CLEC1B: variants seen among roughly 807,000 people sequenced by gnomAD.
CLEC1B encodes the protein C-type lectin domain family 1 member B.
In CLEC1B, 26 loss-of-function variants were observed where a neutral mutation model predicts 26.7. That is an observed-to-expected ratio of 0.97 (90% CI 0.71 to 1.35). The LOEUF (loss-of-function observed/expected upper bound fraction) is 1.35. CLEC1B is among the 40% of genes most tolerant of loss of function. The pLI is 0.00. For synonymous variants in CLEC1B, 112 were observed against 96.0 expected (o/e 1.17, Z -0.97); for missense variants, 293 against 282.6 (o/e 1.04, Z -0.26).
intron 5 of CLEC1B, 193 bp downstream of exon 5, chr12:9,994,947 G>T (rs978336228): frequency 7.0e-7 from 1 of 1,426,602 alleles, no homozygotes; most frequent in Non-Finnish European, 9.3e-7. Context: ...TTGTGGCTTA[G>T]ATAAAGAGCA....
Position 9,995,214 on chromosome 12 carries a change from A to G in CLEC1B, c.471T>C (p.Arg157=). 2 of 1,613,124 alleles carry G rather than the reference A, an allele frequency of 1.2e-6. No individual in the cohort carries two copies. The highest frequency in any genetic ancestry group is 1.7e-6 in the Non-Finnish European group (2 of 1,179,220). ...ACTTCTGGCGAGATAATCCGACCCA[A>G]CGAATTAAATGAGTCCTGGCTTTGA... ...EYIKARTHLI[R]WVGLSRQKSN... Residue 157 remains arginine (R), a synonymous_variant, in exon 5 of 6, where the codon CGT becomes CGC. Transcript: ENST00000298527.
chr12:9,996,670 A>G, intron 4 of CLEC1B, 176 bp downstream of exon 4: 2 of 727,590 alleles, frequency 2.7e-6, no homozygotes, highest in South Asian at 2.9e-5. Context: ...GTTGTAGAAT[A>G]TTATGAGTGG....
rs769357715 is a variant in CLEC1B, at chr12:9,996,984, G to A, written c.300C>T (p.Ser100=). ...AATATCTCCAGTTTGTGTCACAGGG[G>A]CTGCATTTATGACCTTCTGGAGAAA... ...LKGTFKGHKC[S]PCDTNWRYYG... The change falls in exon 4 of 6, where the codon AGC becomes AGT. Residue 100 remains serine, a synonymous_variant. Coordinates refer to ENST00000298527, the MANE Select transcript of CLEC1B (RefSeq NM_016509.4). 6.2e-7 allele frequency: 1 copy of A among 1,613,986 alleles called. No homozygotes were observed. Among genetic ancestry groups the A allele is most frequent in the Non-Finnish European group, 8.5e-7 (1 of 1,179,946 alleles).
At chr12:10,000,019 A>G (rs558153161), upstream of CLEC1B, among the ~76,000 whole-genome samples, 6 of 152,342 alleles carry the variant, frequency 3.9e-5, no homozygotes, top group South Asian at 1.0e-3. Flanking sequence ...ACAGCCATAC[A>G]AAGCTAGCTG....
chr12:9,997,233 T>C lies in CLEC1B; in HGVS notation c.210A>G (p.Thr70=). 6.2e-7 allele frequency: 1 copy of C among 1,613,806 alleles called. No homozygotes were observed. Among genetic ancestry groups the C allele is most frequent in the Non-Finnish European group, 8.5e-7 (1 of 1,179,780 alleles). ...GCTTTGCTAATTGTTGCAGAGTTCC[T>C]GTGCGATTTTCATTCTCACCTTGTA... ...NYLQGENENR[T]GTLQQLAKRF... The change falls in exon 3 of 6, where the codon ACA becomes ACG. Residue 70 remains threonine (T), a synonymous_variant. Coordinates refer to ENST00000298527, the MANE Select transcript of CLEC1B (RefSeq NM_016509.4).
At position 9,998,310 on chromosome 12, in the gene CLEC1B, A is replaced by T; in HGVS notation, c.135T>A (p.Val45=). ...AAATCCCCAGAGCCACCAGCCCGAC[A>T]ACCATCCCCACGCACAGGATCAGCA... ...LILLILCVGM[V]VGLVALGIWS... Residue 45 remains valine, a synonymous_variant, in exon 2 of 6, where the codon GTT becomes GTA. Coordinates refer to ENST00000298527, the MANE Select transcript of CLEC1B (RefSeq NM_016509.4). 4 of 1,614,086 alleles carry T rather than the reference A, an allele frequency of 2.5e-6. No individual in the cohort carries two copies. The highest frequency in any genetic ancestry group is 2.5e-6 in the Non-Finnish European group (3 of 1,180,010).
upstream of CLEC1B, among the ~76,000 whole-genome samples, chr12:10,000,223 T>C (rs1211057131): frequency 6.6e-6 from 1 of 152,250 alleles, no homozygotes; most frequent in Non-Finnish European, 1.5e-5. Context: ...CTTTTCAATA[T>C]AGTGATTATG....
intron 2 of CLEC1B, 57 bp from the exon 3 acceptor site, chr12:9,997,336 A>T: frequency 6.7e-7 from 1 of 1,484,732 alleles, no homozygotes. Context: ...AAATGATGCA[A>T]AGGTCTGTCA....
chr12:9,995,187 C>G lies in CLEC1B; in HGVS notation c.498G>C (p.Ser166=). 1.2e-6 allele frequency: 2 copies of G among 1,613,066 alleles called. No homozygotes were observed. The highest frequency in any genetic ancestry group is 1.7e-6 in the Non-Finnish European group (2 of 1,179,192). ...CATCCTCCCACTTCCAGACCTCATT[C>G]GACTTCTGGCGAGATAATCCGACCC... ...IRWVGLSRQK[S]NEVWKWEDGS... Residue 166 remains serine (S), a synonymous_variant, in exon 5 of 6, where the codon TCG becomes TCC. Coordinates refer to ENST00000298527, the MANE Select transcript of CLEC1B (RefSeq NM_016509.4).
At chr12:9,998,947 T>C in intron 1 of CLEC1B, 90 bp downstream of exon 1, 1 of 759,822 alleles carries the variant, frequency 1.3e-6, no homozygotes, top group Non-Finnish European at 2.2e-6. Context: ...GAAATTAAAC[T>C]ATATATATTA....
In CLEC1B at chr12:9,995,167, T is replaced by A. The variant is rs1865008495; in HGVS notation, c.518A>T (p.Glu173Val). The change falls in exon 5 of 6, where the codon GAG (glutamate) becomes GTG (valine). Residue 173 changes from glutamate to valine, a missense_variant. By Grantham distance (121) the Glu-to-Val change is moderately radical. Transcript: ENST00000298527. Reference sequence around the variant, plus strand: ...ATTTTCTGAGATAACCGAGCCATCCTCCCACTTCCAGACCTCATTCGACTT... The same window carrying A: ...ATTTTCTGAGATAACCGAGCCATCCACCCACTTCCAGACCTCATTCGACTT... ...RQKSNEVWKW[E>V]DGSVISENMF... The A allele has an allele frequency of 6.2e-7, 1 of 1,613,060 alleles. No homozygotes were observed. Among genetic ancestry groups the A allele is most frequent in the Non-Finnish European group, 8.5e-7 (1 of 1,179,146 alleles).
At chr12:9,993,362 G>T in intron 5 of CLEC1B, 75 bp from the exon 6 acceptor site, 10 of 951,906 alleles carry the variant, frequency 1.1e-5, no homozygotes, top group East Asian at 3.3e-5. Context: ...GCGTATAGTA[G>T]TTTGATGCAC....
chr12:10,000,810 C>T (rs547821311), upstream of CLEC1B, among the ~76,000 whole-genome samples: 16 of 152,316 alleles, frequency 1.1e-4, no homozygotes, highest in African/African-American at 3.6e-4. Flanking sequence ...TACATCTACT[C>T]ATCAGCAAGT....
chr12:9,996,889 T>G lies in CLEC1B; in HGVS notation c.395A>C (p.Asp132Ala), dbSNP rs775125636. The change falls in exon 4 of 6, where the codon GAC becomes GCC. Residue 132 changes from aspartate (D) to alanine (A), a missense_variant. Coordinates refer to ENST00000298527, the MANE Select transcript of CLEC1B (RefSeq NM_016509.4). ...AATCTTCAGGAGAGTAGCATTCATG[T>G]CAGTGCAGTACTGCTTACTCTCTTC... Reference protein sequence around the residue: ...TWEESKQYCTDMNATLLKIDN... With the variant: ...TWEESKQYCTAMNATLLKIDN... 8 of 1,614,068 alleles carry G rather than the reference T, an allele frequency of 5.0e-6. No individual in the cohort carries two copies. In the Admixed American group the frequency reaches 1.3e-4, roughly 27 times the overall value.
chr12:9,996,615 C>A, intron 4 of CLEC1B: 1 of 607,766 alleles, frequency 1.6e-6, no homozygotes. Flanking sequence ...TGTACCTGAG[C>A]TGTCAGGAAG....
chr12:9,994,833 G>A (rs554151058), intron 5 of CLEC1B, among the ~76,000 whole-genome samples: 36 of 150,874 alleles, frequency 2.4e-4, no homozygotes, highest in South Asian at 4.2e-4. Flanking sequence ...GTGCATGCGC[G>A]CACACACACA....
upstream of CLEC1B, among the ~76,000 whole-genome samples, chr12:10,000,799 C>T (rs923261834): frequency 6.6e-6 from 1 of 152,198 alleles, no homozygotes; most frequent in African/African-American, 2.4e-5. Flanking sequence ...TCCTTCCTTT[C>T]TACATCTACT....
In CLEC1B at chr12:9,996,857, G is replaced by A. The variant is rs1389444399; in HGVS notation, c.427C>T (p.Arg143Trp). The change falls in exon 4 of 6, where the codon CGG (arginine) becomes TGG (tryptophan). Residue 143 changes from arginine to tryptophan, a missense_variant. By Grantham distance (101) the Arg-to-Trp change is moderately radical. Transcript: ENST00000298527. Reference sequence around the variant, plus strand: ...AAGAATCTTCTTACCACAATGTTCCGGTTGTCAATCTTCAGGAGAGTAGCA... The same window carrying A: ...AAGAATCTTCTTACCACAATGTTCCAGTTGTCAATCTTCAGGAGAGTAGCA... The part of the protein sequence containing the change: ...MNATLLKIDN[R>W]NIVEYIKART... 6.8e-6 allele frequency: 11 copies of A among 1,613,828 alleles called. No homozygotes were observed. Among genetic ancestry groups the A allele is most frequent in the South Asian group, 1.1e-5 (1 of 91,080 alleles).
chr12:9,997,325 G>C (rs199500766), intron 2 of CLEC1B, 46 bp from the exon 3 acceptor site: 2 of 1,544,278 alleles, frequency 1.3e-6, no homozygotes, highest in South Asian at 1.2e-5. Flanking sequence ...TAGAACCATA[G>C]AAATGATGCA....
Sources: allele counts gnomAD v4.1 joint callset (sites outside exome capture counted in the v4.1 genomes callset), GRCh38; gene constraint gnomAD v4.1.1; transcripts MANE v1.5; gene names NCBI Gene and HGNC (gene_info 2026-07-23, HGNC 2026-07-21).